Variants in STARD8 observed in about 807,000 individuals in gnomAD.
STARD8 encodes the protein StAR related lipid transfer domain containing 8.
A neutral mutation model predicts 69.4 loss-of-function variants in STARD8; 25 were observed. The observed-to-expected ratio is 0.36, with a 90% CI of 0.26 to 0.50. The LOEUF (loss-of-function observed/expected upper bound fraction) is 0.50. Ranked by LOEUF, STARD8 falls within the 20% of genes least tolerant of loss-of-function variation. The pLI, the probability that STARD8 is intolerant of heterozygous loss-of-function variation, is 0.96. For synonymous variants in STARD8, 389 were observed against 374.6 expected (o/e 1.04, Z -0.45); for missense variants, 921 against 932.5 (o/e 0.99, Z 0.16).
At chrX:68,712,827 G>T in intron 2 of STARD8, 87 bp from the exon 3 acceptor site, 1 of 858,929 alleles carries the variant, frequency 1.2e-6, no homozygotes. Flanking sequence ...TGCCTGCTGG[G>T]GTTGGGCAGC....
intron 11 of STARD8, 37 bp downstream of exon 11, chrX:68,722,198 C>T: frequency 8.9e-7 from 1 of 1,122,280 alleles, no homozygotes; most frequent in Admixed American, 2.3e-5. Context: ...ACTTACCAGA[C>T]CTGGGGGAAC....
chrX:68,706,702 G>C (rs890372829), intron 2 of STARD8, among the ~76,000 whole-genome samples: 2 of 112,839 alleles, frequency 1.8e-5, no homozygotes, highest in African/African-American at 6.4e-5. Flanking sequence ...GCTTATTTTG[G>C]CCTGGGTCCC....
At chrX:68,715,866 T>C (rs1287686126) in intron 4 of STARD8, among the ~76,000 whole-genome samples, 2 of 112,273 alleles carry the variant, frequency 1.8e-5, no homozygotes, top group Admixed American at 9.4e-5. Flanking sequence ...TGCCTAAGGA[T>C]AAAAATGCAA....
At chrX:68,680,650 G>A (rs2079795601) in intron 2 of STARD8, among the ~76,000 whole-genome samples, 1 of 111,982 alleles carries the variant, frequency 8.9e-6, no homozygotes, top group African/African-American at 3.2e-5. Flanking sequence ...TGTTGGTGCT[G>A]TGCCCTGCCA....
chrX:68,684,529 G>C (rs2079819446), intron 2 of STARD8, among the ~76,000 whole-genome samples: 1 of 112,949 alleles, frequency 8.9e-6, no homozygotes, highest in South Asian at 3.6e-4. Context: ...CTTGGAGGAA[G>C]CTGACTGAGG....
chrX:68,668,069 C>CTTTCT (rs1569355308), intron 2 of STARD8, among the ~76,000 whole-genome samples: 3 of 83,380 alleles, frequency 3.6e-5, no homozygotes, highest in Non-Finnish European at 6.9e-5. Context: ...TTCTTTCTTT[C>CTTTCT]TTTCTTTCTT....
At chrX:68,675,352 C>T (rs2079759072) in intron 2 of STARD8, among the ~76,000 whole-genome samples, 1 of 111,222 alleles carries the variant, frequency 9.0e-6, no homozygotes, top group Non-Finnish European at 1.9e-5. Flanking sequence ...TCTCAGCTTC[C>T]CAAAGTGCTT....
intron 8 of STARD8, 113 bp from the exon 9 acceptor site, chrX:68,720,811 T>G: frequency 1.4e-6 from 1 of 712,563 alleles, no homozygotes. Context: ...CTGATAAGCT[T>G]TGAAGTCTCT....
chrX:68,675,707 C>T (rs1183609406), intron 2 of STARD8, among the ~76,000 whole-genome samples: 1 of 111,340 alleles, frequency 9.0e-6, no homozygotes, highest in Non-Finnish European at 1.9e-5. Context: ...GCTCCACCTC[C>T]ACTCCAGGAA....
intron 2 of STARD8, among the ~76,000 whole-genome samples, chrX:68,665,958 C>T (rs988362195): frequency 1.8e-5 from 2 of 111,826 alleles, no homozygotes; most frequent in Admixed American, 1.9e-4. Context: ...TGTTATATTC[C>T]CAGCACTTGC....
chrX:68,675,177 C>T (rs1323748612), intron 2 of STARD8, among the ~76,000 whole-genome samples: 1 of 110,752 alleles, frequency 9.0e-6, no homozygotes, highest in African/African-American at 3.3e-5. Context: ...AGGCTGATCT[C>T]GAACTCTTGA....
At chrX:68,677,476 C>A (rs1297278879) in intron 2 of STARD8, among the ~76,000 whole-genome samples, 2 of 111,651 alleles carry the variant, frequency 1.8e-5, no homozygotes, top group South Asian at 3.8e-4. Flanking sequence ...GTCCCCATTG[C>A]CTCTTGTTCC....
rs2080178105 is a variant in STARD8 at position 68,724,092 on chromosome X, G to C, written c.3165G>C (p.Arg1055=). 9 of 1,209,820 alleles carry C rather than the reference G, an allele frequency of 7.4e-6. No individual in the cohort carries two copies. Among genetic ancestry groups the C allele is most frequent in the Non-Finnish European group, 1.0e-5 (9 of 895,095 alleles). The part of the protein sequence containing the change: ...LMEPCGLGRS[R]LTHICRADLR... ...AGCCTTGCGGCTTGGGCCGCTCTCG[G>C]CTCACACACATCTGCCGGGCTGACC... The change falls in exon 14 of 15, where the codon CGG becomes CGC. Residue 1055 remains arginine, a synonymous_variant. Transcript: ENST00000374599.
chrX:68,660,837 G>A (rs2079639913), intron 1 of STARD8, among the ~76,000 whole-genome samples: 2 of 112,650 alleles, frequency 1.8e-5, no homozygotes, highest in African/African-American at 3.2e-5. Flanking sequence ...ATGAGAGCCT[G>A]CTTTCCACAG....
rs770774817 is a variant in STARD8, at chrX:68,725,627, T to C, written c.*1205T>C. The C allele has an allele frequency of 2.3e-4, 24 of 105,377 alleles. No individual in the cohort carries two copies. In the Admixed American group the frequency reaches 2.3e-3, roughly 10 times the overall value. The allele number at this position is 105,377 out of a possible 1,213,427, so 8.7% of individuals were successfully genotyped here. A position where few individuals can be genotyped will look rare whatever the true frequency, so the allele number is the denominator to read the frequency against. On this transcript the variant is annotated 3_prime_UTR_variant, in exon 15 of 15. Coordinates refer to ENST00000374599, the MANE Select transcript of STARD8 (RefSeq NM_001142503.3). ...ATGTGTTTATAGAGATACACACACATATATATGTGTGTATATATATACACA... is the reference window on the plus strand; with the variant it reads ...ATGTGTTTATAGAGATACACACACACATATATGTGTGTATATATATACACA...
At chrX:68,723,496 G>T (rs938320348) in intron 12 of STARD8, 130 bp from the exon 13 acceptor site, 1 of 555,413 alleles carries the variant, frequency 1.8e-6, no homozygotes, top group South Asian at 3.1e-5. Flanking sequence ...TCTGGCCAGC[G>T]CTAGCAGAGG....
intron 1 of STARD8, among the ~76,000 whole-genome samples, chrX:68,649,517 G>A (rs1439467308): frequency 9.1e-6 from 1 of 110,455 alleles, no homozygotes; most frequent in African/African-American, 3.3e-5. Context: ...GTCGTGCAGT[G>A]TTCATAAAAC....
At position 68,703,750 on chromosome X, in the gene STARD8, T is replaced by A. The variant is rs144920780; in HGVS notation, c.80-9164T>A. Among the ~76,000 whole-genome samples the A allele has an allele frequency of 6.5e-3, 725 of 111,850 alleles. 3 individuals carry two copies. The highest frequency in any genetic ancestry group is 0.022 in the African/African-American group (691 of 30,803). On this transcript the variant is annotated intron_variant, in intron 2 of 14. Coordinates refer to ENST00000374599, the MANE Select transcript of STARD8 (RefSeq NM_001142503.3). ...GGTCAAAACAGACAAGTGCCAAGACTTTCCAGACCAAGAGAGGGAGGCAGG... is the reference window on the plus strand; with the variant it reads ...GGTCAAAACAGACAAGTGCCAAGACATTCCAGACCAAGAGAGGGAGGCAGG...
intron 2 of STARD8, among the ~76,000 whole-genome samples, chrX:68,669,090 C>T (rs1170676306): frequency 9.0e-6 from 1 of 111,599 alleles, no homozygotes; most frequent in African/African-American, 3.3e-5. Flanking sequence ...TACATGCTCT[C>T]AGGCTCCCAG....
Sources: allele counts gnomAD v4.1 joint callset (sites outside exome capture counted in the v4.1 genomes callset), GRCh38; gene constraint gnomAD v4.1.1; transcripts MANE v1.5; gene names NCBI Gene and HGNC (gene_info 2026-07-23, HGNC 2026-07-21).